Variants in KLHL29 observed in about 807,000 individuals in gnomAD.
KLHL29 encodes the protein kelch-like protein 29.
Under a neutral mutation model 80.4 loss-of-function variants are expected in KLHL29, and 21 were observed. That is an observed-to-expected ratio of 0.26 (90% CI 0.19 to 0.38). The LOEUF is 0.38. Among genes scored for constraint, KLHL29 ranks in the 10% least tolerant of loss-of-function variants. KLHL29 has a pLI of 1.00. For missense variants in KLHL29, 867 were observed against 1,223.9 expected, an observed-to-expected ratio of 0.71 and a Z score of 4.35; for synonymous variants, 511 against 526.8, an observed-to-expected ratio of 0.97 and a Z score of 0.41.
intron 2 of KLHL29, among the ~76,000 whole-genome samples, chr2:23,492,323 C>A (rs1305479368): frequency 1.3e-5 from 2 of 152,172 alleles, no homozygotes; most frequent in East Asian, 3.9e-4. Context: ...GCCTCTAGTG[C>A]AGAAGGGGAA....
At chr2:23,517,705 C>T (rs981830072) in intron 2 of KLHL29, among the ~76,000 whole-genome samples, 3 of 152,144 alleles carry the variant, frequency 2.0e-5, no homozygotes, top group Admixed American at 6.5e-5. Context: ...CATGTGTCGC[C>T]GGAGTCCACT....
chr2:23,393,901 C>T (rs1666383904), intron 1 of KLHL29, among the ~76,000 whole-genome samples: 1 of 152,136 alleles, frequency 6.6e-6, no homozygotes, highest in Admixed American at 6.6e-5. Flanking sequence ...TGCTGCCGCC[C>T]CTCCCTTCCC....
intron 3 of KLHL29, among the ~76,000 whole-genome samples, chr2:23,597,397 ATATATATATATTTT>A (rs1558402813): frequency 1.3e-4 from 12 of 90,234 alleles, no homozygotes; most frequent in Non-Finnish European, 1.6e-4. Flanking sequence ...ATATATATAT[ATATATATATATTTT>A]TTTTTTTTTT....
chr2:23,451,492 A>C (rs781309398), intron 1 of KLHL29, among the ~76,000 whole-genome samples: 1 of 152,212 alleles, frequency 6.6e-6, no homozygotes, highest in Non-Finnish European at 1.5e-5. Context: ...GAAGCTGTGC[A>C]TGCGCCTTGC....
chr2:23,630,769 T>G (rs1233691626), intron 3 of KLHL29, among the ~76,000 whole-genome samples: 1 of 152,310 alleles, frequency 6.6e-6, no homozygotes, highest in Non-Finnish European at 1.5e-5. Context: ...ATTTCAGGCA[T>G]GAGCCACCAT....
chr2:23,397,697 C>A (rs769564356), intron 1 of KLHL29, among the ~76,000 whole-genome samples: 3 of 152,096 alleles, frequency 2.0e-5, no homozygotes, highest in Non-Finnish European at 4.4e-5. Flanking sequence ...ACTGAGCATG[C>A]GGCAGTGAGG....
intron 2 of KLHL29, among the ~76,000 whole-genome samples, chr2:23,504,178 T>A (rs979352396): frequency 1.3e-5 from 2 of 152,206 alleles, no homozygotes; most frequent in Admixed American, 1.3e-4. Flanking sequence ...CAGATAAGTT[T>A]TAATACGTTC....
intron 1 of KLHL29, among the ~76,000 whole-genome samples, chr2:23,458,388 A>G (rs1046417623): frequency 3.9e-5 from 6 of 152,244 alleles, no homozygotes; most frequent in African/African-American, 1.4e-4. Context: ...AGCCATAGAC[A>G]ATACATAAAC....
intron 1 of KLHL29, among the ~76,000 whole-genome samples, chr2:23,426,192 A>G (rs984512969): frequency 6.6e-6 from 1 of 152,152 alleles, no homozygotes; most frequent in African/African-American, 2.4e-5. Flanking sequence ...AACTTACGCA[A>G]CAGCAGAAAC....
chr2:23,596,332 C>T lies in KLHL29; in HGVS notation c.285+33851C>T, dbSNP rs1326577059. Among the ~76,000 whole-genome samples the T allele has an allele frequency of 6.6e-6, 1 of 152,148 alleles. No individual in the cohort carries two copies. Among genetic ancestry groups the T allele is most frequent in the Non-Finnish European group, 1.5e-5 (1 of 68,024 alleles). ...TTTTGCAAGGGTTTTCTTGAGTTCT[C>T]CTCCAGGCTTCAGCTACCAACACGC... On this transcript the variant is annotated intron_variant, in intron 3 of 13. Transcript: ENST00000486442. The surrounding 1 kb of genome is among the most constrained non-coding windows in gnomAD (Gnocchi z 4.4).
intron 5 of KLHL29, among the ~76,000 whole-genome samples, chr2:23,662,503 C>A (rs773442710): frequency 3.3e-5 from 5 of 152,170 alleles, no homozygotes; most frequent in Non-Finnish European, 5.9e-5. Flanking sequence ...AGGACTGCAG[C>A]TTCTGCTCTC....
At chr2:23,439,995 C>T (rs1261014211) in intron 1 of KLHL29, among the ~76,000 whole-genome samples, 2 of 150,762 alleles carry the variant, frequency 1.3e-5, no homozygotes, top group Non-Finnish European at 3.0e-5. Context: ...CTGGGTGCTC[C>T]TGTATTGGGT....
At chr2:23,705,176 C>T (rs1053942999) in intron 13 of KLHL29, among the ~76,000 whole-genome samples, 12 of 152,192 alleles carry the variant, frequency 7.9e-5, no homozygotes, top group Non-Finnish European at 1.8e-4. Flanking sequence ...GGAGGATGCT[C>T]GCACCTTCTC....
At position 23,696,753 on chromosome 2, in the gene KLHL29, T is replaced by A; in HGVS notation, c.2105+240T>A. On this transcript the variant is annotated intron_variant, in intron 11 of 13. Coordinates refer to ENST00000486442, the MANE Select transcript of KLHL29 (RefSeq NM_052920.2). The surrounding 1 kb of genome is among the most constrained non-coding windows in gnomAD (Gnocchi z 5.5). Reference sequence around the variant, plus strand: ...GTCGCTGAGATGGGAGATGGGGCGCTTCTGTCCCGACAACCCATTTAGGTG... The same window carrying A: ...GTCGCTGAGATGGGAGATGGGGCGCATCTGTCCCGACAACCCATTTAGGTG... The A allele has an allele frequency of 6.5e-6, 3 of 459,736 alleles. No individual in the cohort carries two copies. The highest frequency in any genetic ancestry group is 7.7e-6 in the Non-Finnish European group (2 of 260,610). The allele number at this position is 459,736 out of a possible 1,614,324, so 28.5% of individuals were successfully genotyped here. A position where few individuals can be genotyped will look rare whatever the true frequency, so the allele number is the denominator to read the frequency against.
At chr2:23,447,519 C>T (rs1663733695) in intron 1 of KLHL29, among the ~76,000 whole-genome samples, 1 of 152,172 alleles carries the variant, frequency 6.6e-6, no homozygotes, top group Non-Finnish European at 1.5e-5. Flanking sequence ...GATCAAGCAT[C>T]CATGTAAATA....
intron 13 of KLHL29, among the ~76,000 whole-genome samples, chr2:23,704,992 C>A (rs1452835629): frequency 6.6e-6 from 1 of 152,250 alleles, no homozygotes; most frequent in Admixed American, 6.5e-5. Flanking sequence ...TGAGGAAGTT[C>A]TATCTGTGAA....
Position 23,612,854 on chromosome 2 carries a change from A to C in KLHL29, c.286-26285A>C, listed in dbSNP as rs1296003258. On this transcript the variant is annotated intron_variant, in intron 3 of 13. Transcript: ENST00000486442. ...GGTTAGAGTTTCAGGAAGCAATGAA[A>C]AGCAACAAAAAATGTAAAAATAAGG... 2.0e-5 allele frequency among the ~76,000 whole-genome samples: 3 copies of C among 152,234 alleles called. No individual in the cohort carries two copies. In the East Asian group the frequency reaches 5.8e-4, roughly 29 times the overall value.
intron 3 of KLHL29, among the ~76,000 whole-genome samples, chr2:23,607,870 C>T (rs1402866801): frequency 2.0e-5 from 3 of 152,340 alleles, no homozygotes; most frequent in African/African-American, 7.2e-5. Context: ...GTGGTCCCTG[C>T]TGCCAAAAAG....
chr2:23,670,665 G>T (rs1203255012), intron 5 of KLHL29, among the ~76,000 whole-genome samples: 4 of 152,186 alleles, frequency 2.6e-5, no homozygotes, highest in Non-Finnish European at 5.9e-5. Context: ...CTCTAATGAT[G>T]TGGAGATTAA....
Sources: allele counts gnomAD v4.1 joint callset (sites outside exome capture counted in the v4.1 genomes callset), GRCh38; gene constraint gnomAD v4.1.1; non-coding constraint Gnocchi (gnomAD v3.1); transcripts MANE v1.5; gene names NCBI Gene and HGNC (gene_info 2026-07-23, HGNC 2026-07-21).